The following MSH4 variants were observed in gnomAD, a reference collection of about 807,000 sequenced individuals.
MSH4 encodes the protein mutS protein homolog 4.
Under a neutral mutation model 113.7 loss-of-function variants are expected in MSH4, and 106 were observed. The ratio of observed to expected loss-of-function variants is 0.93; its 90% CI spans 0.80 to 1.10. The LOEUF (loss-of-function observed/expected upper bound fraction) is 1.10, where lower values mean the gene tolerates loss of function less well. Ranked by LOEUF, MSH4 falls within the 50% of genes least tolerant of loss-of-function variation. The pLI, the probability that MSH4 is intolerant of heterozygous loss-of-function variation, is 0.00. For missense variants in MSH4, 1,061 were observed against 1,093.7 expected (o/e 0.97, Z 0.42); for synonymous variants, 368 against 380.2 (o/e 0.97, Z 0.37).
rs752526033 is a variant in MSH4, at chr1:75,878,317, A to C, written c.1539A>C (p.Ala513=). ...ACACAGAGATTGTAGATGACATAGC[A>C]GGTAATTTCTTTATTTGATAATGTT... is the stretch of plus-strand genomic sequence containing the variant. ...RTYTEIVDDI[A]GMISQLGEKY... The change falls in exon 11 of 20, where the codon GCA becomes GCC. Residue 513 remains alanine, a splice_region_variant and synonymous_variant. Transcript: ENST00000263187. The C allele has an allele frequency of 3.2e-6, 5 of 1,579,876 alleles. No homozygotes were observed. The highest frequency in any genetic ancestry group is 1.2e-5 in the South Asian group (1 of 84,750).
Position 75,797,020 on chromosome 1 carries a change from C to CT in MSH4, c.36dup (p.Ala13CysfsTer101), listed in dbSNP as rs1323627186. 1 of 1,614,032 alleles carries CT rather than the reference C, an allele frequency of 6.2e-7. No individual in the cohort carries two copies. The highest frequency in any genetic ancestry group is 8.5e-7 in the Non-Finnish European group (1 of 1,180,036). ...CCTGAGATCTCATCAACCTCGCCTT[C>CT]TGCCCCGGCGGTTTCCCCGTCGTCG... On this transcript the variant is annotated frameshift_variant, in exon 1 of 20. Coordinates refer to ENST00000263187, the MANE Select transcript of MSH4 (RefSeq NM_002440.4). LOFTEE classifies it high-confidence loss of function.
intron 18 of MSH4, 40 bp downstream of exon 18, chr1:75,898,121 A>C: frequency 7.6e-7 from 1 of 1,315,950 alleles, no homozygotes; most frequent in African/African-American, 1.5e-5. Context: ...TTCAAATACT[A>C]TATATTCTCC....
At chr1:75,818,905 G>C (rs1570946682) in intron 6 of MSH4, among the ~76,000 whole-genome samples, 1 of 151,966 alleles carries the variant, frequency 6.6e-6, no homozygotes. Flanking sequence ...TGGGACTACA[G>C]GCACCCACCA....
Position 75,876,988 on chromosome 1 carries a change from T to C in MSH4, c.1358T>C (p.Leu453Ser). ...TPLLRAYYGS[L>S]EDKRFGIILE... ...TTATTAAGAGCTTACTATGGTTCCT[T>C]GGAAGACAAGAGGTCTTTGTCACTC... Residue 453 changes from leucine to serine, a missense_variant, in exon 10 of 20, where the codon TTG becomes TCG. Leu to Ser is a moderately radical substitution (Grantham distance 145). Coordinates refer to ENST00000263187, the MANE Select transcript of MSH4 (RefSeq NM_002440.4). 6.4e-7 allele frequency: 1 copy of C among 1,561,990 alleles called. No individual in the cohort carries two copies. Among genetic ancestry groups the C allele is most frequent in the South Asian group, 1.2e-5 (1 of 81,548 alleles).
At chr1:75,891,147 G>A (rs1652243941) in intron 17 of MSH4, among the ~76,000 whole-genome samples, 1 of 152,116 alleles carries the variant, frequency 6.6e-6, no homozygotes, top group South Asian at 2.1e-4. Context: ...TGTTGACTAT[G>A]ATGTTACAAC....
chr1:75,882,663 TAAAAAA>T (rs35936506), intron 14 of MSH4, among the ~76,000 whole-genome samples: 37,688 of 123,846 alleles, frequency 0.3, 5,416 homozygotes, highest in Middle Eastern at 0.44. Context: ...ACCTCATTTC[TAAAAAA>T]AAAAAAAAAA....
At chr1:75,885,047 G>GTATATATA (rs1223601707) in intron 15 of MSH4, among the ~76,000 whole-genome samples, 1 of 108,950 alleles carries the variant, frequency 9.2e-6, no homozygotes, top group Admixed American at 9.4e-5. Flanking sequence ...GTGTGTGTGT[G>GTATATATA]TGTGTGTGTG....
At chr1:75,909,315 C>T (rs1271216547) in intron 19 of MSH4, among the ~76,000 whole-genome samples, 1 of 152,030 alleles carries the variant, frequency 6.6e-6, no homozygotes, top group African/African-American at 2.4e-5. Context: ...GAGTTTTTCA[C>T]TTCTCTGTCT....
intron 11 of MSH4, among the ~76,000 whole-genome samples, 175 bp downstream of exon 11, chr1:75,878,493 A>C (rs1301324577): frequency 6.6e-6 from 1 of 152,206 alleles, no homozygotes; most frequent in Non-Finnish European, 1.5e-5. Context: ...GGCAGCCTTC[A>C]TACTAAACTC....
chr1:75,881,252 G>C lies in MSH4; in HGVS notation c.1788G>C (p.Val596=). 6.2e-7 allele frequency: 1 copy of C among 1,602,650 alleles called. No homozygotes were observed. Among genetic ancestry groups the C allele is most frequent in the Non-Finnish European group, 8.5e-7 (1 of 1,171,840 alleles). ...REIYHMTYMI[V]CKLLSEIYEH... is the part of the protein sequence containing the mutation. ...TTACCAAACGTGTTTTCAGGATAGT[G>C]TGCAAACTGCTTAGTGAGATTTATG... The change falls in exon 14 of 20, where the codon GTG becomes GTC. Residue 596 remains valine (V), a synonymous_variant. Transcript: ENST00000263187.
At chr1:75,815,366 G>A (rs547193002) in intron 5 of MSH4, among the ~76,000 whole-genome samples, 3 of 151,836 alleles carry the variant, frequency 2.0e-5, no homozygotes, top group African/African-American at 7.3e-5. Flanking sequence ...TATACACAAG[G>A]CATATATTGC....
intron 8 of MSH4, among the ~76,000 whole-genome samples, chr1:75,859,283 G>A (rs1651398927): frequency 6.6e-6 from 1 of 152,188 alleles, no homozygotes; most frequent in African/African-American, 2.4e-5. Flanking sequence ...TCTGATTTTA[G>A]TTATTTCTTA....
chr1:75,844,079 G>T lies in MSH4; in HGVS notation c.1163-4130G>T, dbSNP rs1050503460. ...ACCTGCCTCGGCCTCCCAAAGTGCT[G>T]GGATTACAGGCGTAAGCCACCACGC... On this transcript the variant is annotated intron_variant, in intron 7 of 19. Transcript: ENST00000263187. Among the ~76,000 whole-genome samples, 17 of 152,152 alleles carry T rather than the reference G, an allele frequency of 1.1e-4. No individual in the cohort carries two copies. The South Asian group carries it at 1.2e-3, about 11-fold the overall frequency.
rs1195185310 is a variant in MSH4, at chr1:75,888,608, TC to T, written c.2108-642del. 1.5e-4 allele frequency among the ~76,000 whole-genome samples: 4 copies of T among 26,312 alleles called. No homozygotes were observed. In the Admixed American group the frequency reaches 2.7e-3, roughly 18 times the overall value. The allele number at this position is 26,312 out of a possible 152,430, so 17.3% of individuals were successfully genotyped here. On this transcript the variant is annotated intron_variant, in intron 15 of 19. Transcript: ENST00000263187. Reference sequence around the variant, plus strand: ...GGCATTTTCTTCAGATTTTCATATTTCTTTTTTTAATTTATTTTATTTTTGA... The same window carrying T: ...GGCATTTTCTTCAGATTTTCATATTTTTTTTTTAATTTATTTTATTTTTGA...
At chr1:75,833,514 C>G (rs1016768297) in intron 7 of MSH4, among the ~76,000 whole-genome samples, 2 of 152,182 alleles carry the variant, frequency 1.3e-5, no homozygotes, top group African/African-American at 2.4e-5. Context: ...ATGGAGGCAT[C>G]ACGCTACATG....
At chr1:75,867,719 A>G (rs1242278971) in intron 9 of MSH4, 131 bp downstream of exon 9, 1 of 612,476 alleles carries the variant, frequency 1.6e-6, no homozygotes, top group Non-Finnish European at 2.9e-6. Flanking sequence ...TTCTTTGTAC[A>G]TACTTTACAT....
intron 15 of MSH4, among the ~76,000 whole-genome samples, chr1:75,886,533 A>G (rs1253620694): frequency 2.6e-5 from 3 of 117,312 alleles, no homozygotes; most frequent in South Asian, 2.6e-4. Context: ...TGTATTATAT[A>G]TATTATTATC....
chr1:75,911,307 T>A (rs940384433), intron 19 of MSH4, among the ~76,000 whole-genome samples: 7 of 152,188 alleles, frequency 4.6e-5, no homozygotes, highest in Non-Finnish European at 1.0e-4. Flanking sequence ...CATTACTACA[T>A]TGAATTACTT....
rs190355907 is a variant in MSH4 at position 75,894,155 on chromosome 1, T to C, written c.2355+3331T>C. 7.0e-4 allele frequency among the ~76,000 whole-genome samples: 107 copies of C among 152,282 alleles called. 1 individual carries two copies. Among genetic ancestry groups the C allele is most frequent in the African/African-American group, 2.4e-3 (100 of 41,566 alleles). On this transcript the variant is annotated intron_variant, in intron 17 of 19. Coordinates refer to ENST00000263187, the MANE Select transcript of MSH4 (RefSeq NM_002440.4). ...GACATTACGGCCCACCATAAGGCCT[T>C]TACTGCAGGCACTGAATTGGGAAAC...
Sources: gnomAD v4.1 joint callset for allele counts (sites outside exome capture counted in the v4.1 genomes callset) on GRCh38, gnomAD v4.1.1 for gene constraint, MANE v1.5 for transcripts, NCBI Gene and HGNC (gene_info 2026-07-23, HGNC 2026-07-21) for gene names.